TFEB: variants seen among roughly 807,000 people sequenced by gnomAD.
TFEB encodes the protein transcription factor EB.
Under a neutral mutation model 48.0 loss-of-function variants are expected in TFEB, and 12 were observed. The ratio of observed to expected loss-of-function variants is 0.25; its 90% CI spans 0.16 to 0.40. The LOEUF is 0.40. Among genes scored for constraint, TFEB ranks in the 10% least tolerant of loss-of-function variants. TFEB has a pLI of 1.00. For missense variants in TFEB, 509 were observed against 640.3 expected, an observed-to-expected ratio of 0.79 and a Z score of 2.21; for synonymous variants, 244 against 261.4, an observed-to-expected ratio of 0.93 and a Z score of 0.64.
chr6:41,722,170 G>C (rs997650224), intron 1 of TFEB, among the ~76,000 whole-genome samples: 1 of 152,130 alleles, frequency 6.6e-6, no homozygotes, highest in Non-Finnish European at 1.5e-5. Context: ...AGTAGGGACG[G>C]GGTTTCACCA....
At chr6:41,685,606 C>A (rs1054979178) in intron 8 of TFEB, among the ~76,000 whole-genome samples, 5 of 152,244 alleles carry the variant, frequency 3.3e-5, no homozygotes, top group Non-Finnish European at 4.4e-5. Flanking sequence ...GTAGGGCTGA[C>A]TCTGCCAAGC....
chr6:41,687,150 G>A lies in TFEB; in HGVS notation c.747C>T (p.Phe249=), dbSNP rs756648921. 1.2e-5 allele frequency: 20 copies of A among 1,614,016 alleles called. No individual in the cohort carries two copies. The highest frequency in any genetic ancestry group is 1.7e-5 in the Non-Finnish European group (20 of 1,180,034). The change falls in exon 7 of 9, where the codon TTC becomes TTT. Residue 249 remains phenylalanine, a synonymous_variant. Transcript: ENST00000373033. ...NHNLIERRRR[F]NINDRIKELG... ...ACTCCTTGATGCGGTCATTGATGTT[G>A]AACCTTCGTCTCCTTTCAACTAAAG...
intron 5 of TFEB, 45 bp from the exon 6 acceptor site, chr6:41,687,854 A>G: frequency 6.2e-7 from 1 of 1,610,102 alleles, no homozygotes; most frequent in East Asian, 2.2e-5. Context: ...AGGGAGGGAG[A>G]AAAGGAGGGA....
chr6:41,723,752 G>A lies in TFEB; in HGVS notation c.-23+11598C>T. 2 of 373,872 alleles carry A rather than the reference G, an allele frequency of 5.3e-6. No individual in the cohort carries two copies. The highest frequency in any genetic ancestry group is 5.2e-6 in the Non-Finnish European group (1 of 192,000). The allele number at this position is 373,872 out of a possible 1,614,324, so 23.2% of individuals were successfully genotyped here. Reference sequence around the variant, plus strand: ...CAGACTGCTTCAATCTCACCCGCCCGGCTCCAGGCGCCCACAGCGCTCCTT... The same window carrying A: ...CAGACTGCTTCAATCTCACCCGCCCAGCTCCAGGCGCCCACAGCGCTCCTT... On this transcript the variant is annotated intron_variant, in intron 1 of 8. Coordinates refer to ENST00000373033, the MANE Select transcript of TFEB (RefSeq NM_001271944.2). This position sits in a 1 kb window ranked among gnomAD's most constrained non-coding sequence, Gnocchi z 6.0.
chr6:41,707,781 C>T (rs1210062174), intron 1 of TFEB, among the ~76,000 whole-genome samples: 3 of 152,228 alleles, frequency 2.0e-5, no homozygotes, highest in Non-Finnish European at 4.4e-5. Flanking sequence ...ACCAAAATGT[C>T]CCTGAATTGT....
At chr6:41,703,411 C>T (rs1213149659) in intron 1 of TFEB, among the ~76,000 whole-genome samples, 1 of 152,194 alleles carries the variant, frequency 6.6e-6, no homozygotes, top group East Asian at 1.9e-4. Flanking sequence ...CCTCAGAGCA[C>T]TCCAACCCCG....
rs1010585015 is a variant in TFEB at position 41,691,302 on chromosome 6, G to T, written c.-22-67C>A. The stretch of plus-strand genomic sequence containing the variant: ...CTCCTCAAAGCACAGGGGCTGGCAG[G>T]GGGAGGCCAGAATGACTGGGACCGC... On this transcript the variant is annotated intron_variant, in intron 1 of 8. Transcript: ENST00000373033. The surrounding 1 kb of genome is among the most constrained non-coding windows in gnomAD (Gnocchi z 5.2). 7.4e-6 allele frequency: 11 copies of T among 1,478,446 alleles called. No homozygotes were observed. Among genetic ancestry groups the T allele is most frequent in the African/African-American group, 4.2e-5 (3 of 71,556 alleles). The allele number at this position is 1,478,446 out of a possible 1,614,324, so 91.6% of individuals were successfully genotyped here. A position where few individuals can be genotyped will look rare whatever the true frequency, so the allele number is the denominator to read the frequency against.
chr6:41,684,114 G>A lies in TFEB; in HGVS notation c.*485C>T, dbSNP rs899430485. On this transcript the variant is annotated 3_prime_UTR_variant, in exon 9 of 9. Transcript: ENST00000373033. ...GAGAGCTATTAGCACCAAAGTGGGG[G>A]GTGCCCACCTGTGGGAGAGCCGAGG... The A allele has an allele frequency of 6.9e-5, 16 of 233,046 alleles. No homozygotes were observed. Among genetic ancestry groups the A allele is most frequent in the Non-Finnish European group, 1.1e-4 (13 of 117,820 alleles). The allele number at this position is 233,046 out of a possible 1,614,324, so 14.4% of individuals were successfully genotyped here.
rs1324992626 is a variant in TFEB at position 41,684,887 on chromosome 6, C to A, written c.1143G>T (p.Leu381=). ...GGGATGGTGGCTGGGTGGGCAGGGG[C>A]AGCGGGGCTTGCGGGGGCAGAGCTG... ...PLPALPPQAP[L]PLPTQPPSPF... The change falls in exon 9 of 9, where the codon CTG becomes CTT. Residue 381 remains leucine, a synonymous_variant. Transcript: ENST00000373033. The A allele has an allele frequency of 1.3e-6, 2 of 1,571,188 alleles. No individual in the cohort carries two copies. Among genetic ancestry groups the A allele is most frequent in the South Asian group, 1.2e-5 (1 of 84,056 alleles).
chr6:41,734,302 CCCTT>C lies in TFEB; in HGVS notation c.-23+1044_-23+1047del. On this transcript the variant is annotated intron_variant, in intron 1 of 8. Transcript: ENST00000373033. This position sits in a 1 kb window ranked among gnomAD's most constrained non-coding sequence, Gnocchi z 4.0. The stretch of plus-strand genomic sequence containing the variant: ...AGACAAGCCCCGCCCCGGGCTCCCT[CCCTT>C]CCTCACCCGGGGCGCGGGGCTGGGG... 2 of 978,732 alleles carry C rather than the reference CCCTT, an allele frequency of 2.0e-6. No homozygotes were observed. Among genetic ancestry groups the C allele is most frequent in the Non-Finnish European group, 2.4e-6 (2 of 824,126 alleles). The allele number at this position is 978,732 out of a possible 1,614,324, so 60.6% of individuals were successfully genotyped here. A position where few individuals can be genotyped will look rare whatever the true frequency, so the allele number is the denominator to read the frequency against.
rs1241738511 is a variant in TFEB at position 41,734,941 on chromosome 6, G to A, written c.-23+409C>T. 3 of 985,294 alleles carry A rather than the reference G, an allele frequency of 3.0e-6. No individual in the cohort carries two copies. Among genetic ancestry groups the A allele is most frequent in the Non-Finnish European group, 3.6e-6 (3 of 829,966 alleles). The allele number at this position is 985,294 out of a possible 1,614,324, so 61.0% of individuals were successfully genotyped here. On this transcript the variant is annotated intron_variant, in intron 1 of 8. Transcript: ENST00000373033. The surrounding 1 kb of genome is among the most constrained non-coding windows in gnomAD (Gnocchi z 4.0). ...GGCATCGCCGGCCCCAGCCGTGTCC[G>A]GTGGAGGGGGAGTGGGCGCGGGGCC...
intron 1 of TFEB, among the ~76,000 whole-genome samples, chr6:41,699,690 C>T (rs1175073908): frequency 1.3e-5 from 2 of 152,152 alleles, no homozygotes; most frequent in African/African-American, 4.8e-5. Flanking sequence ...CATAATATAG[C>T]CTTTTATTAT....
chr6:41,701,293 C>T (rs1260089992), intron 1 of TFEB, among the ~76,000 whole-genome samples: 3 of 152,188 alleles, frequency 2.0e-5, no homozygotes, highest in East Asian at 1.9e-4. Flanking sequence ...CCCCTGCACC[C>T]GCCTCCTGGG....
At chr6:41,710,748 C>G (rs1770438964) in intron 1 of TFEB, among the ~76,000 whole-genome samples, 1 of 152,182 alleles carries the variant, frequency 6.6e-6, no homozygotes, top group South Asian at 2.1e-4. Flanking sequence ...CCTCCTTGCT[C>G]TCTCACGCCA....
intron 1 of TFEB, among the ~76,000 whole-genome samples, chr6:41,697,505 C>CT (rs1011038986): frequency 3.7e-5 from 5 of 135,982 alleles, no homozygotes; most frequent in Non-Finnish European, 6.6e-5. Context: ...TTCTCCAAAC[C>CT]CCCCCCCTTC....
At chr6:41,699,518 C>A (rs571647043) in intron 1 of TFEB, among the ~76,000 whole-genome samples, 1 of 152,236 alleles carries the variant, frequency 6.6e-6, no homozygotes, top group South Asian at 2.1e-4. Context: ...TCTCCAAAAG[C>A]CTTGGGTCTT....
At position 41,703,967 on chromosome 6, in the gene TFEB, C is replaced by T. The variant is rs1770070920; in HGVS notation, c.-22-12732G>A. ...TGGTCTCCCCACAGTGTGCTGGGTG[C>T]CCCTGTGGAGAGTCTGTCTGGAAAG... On this transcript the variant is annotated intron_variant, in intron 1 of 8. Coordinates refer to ENST00000373033, the MANE Select transcript of TFEB (RefSeq NM_001271944.2). Among the ~76,000 whole-genome samples the T allele has an allele frequency of 2.6e-5, 4 of 152,276 alleles. No individual in the cohort carries two copies. The South Asian group carries it at 8.3e-4, about 32-fold the overall frequency.
At chr6:41,700,714 G>A (rs1304343408) in intron 1 of TFEB, among the ~76,000 whole-genome samples, 1 of 152,170 alleles carries the variant, frequency 6.6e-6, no homozygotes, top group African/African-American at 2.4e-5. Context: ...AGGAGGGAAA[G>A]GAAGGAGAGG....
At chr6:41,697,854 G>A (rs114815565) in intron 1 of TFEB, among the ~76,000 whole-genome samples, 9 of 152,240 alleles carry the variant, frequency 5.9e-5, no homozygotes, top group African/African-American at 2.2e-4. Flanking sequence ...GATGTAGGGG[G>A]AAATTGTATA....
Sources: gnomAD v4.1 joint callset for allele counts (sites outside exome capture counted in the v4.1 genomes callset) on GRCh38, gnomAD v4.1.1 for gene constraint, Gnocchi (gnomAD v3.1) non-coding constraint, MANE v1.5 for transcripts, NCBI Gene and HGNC (gene_info 2026-07-23, HGNC 2026-07-21) for gene names.